Variants in INPP5A observed in about 807,000 individuals in gnomAD.
The protein encoded by INPP5A is inositol polyphosphate-5-phosphatase A.
A neutral mutation model predicts 65.2 loss-of-function variants in INPP5A; 14 were observed. That is an observed-to-expected ratio of 0.21 (90% CI 0.14 to 0.34). The LOEUF (loss-of-function observed/expected upper bound fraction) is 0.34. INPP5A is among the 10% of genes least tolerant of loss of function. The pLI is 1.00. For synonymous variants in INPP5A, 207 were observed against 208.3 expected (o/e 0.99, Z 0.05); for missense variants, 431 against 545.6 (o/e 0.79, Z 2.09).
intron 4 of INPP5A, among the ~76,000 whole-genome samples, chr10:132,689,934 C>G (rs1272489125): frequency 6.6e-6 from 1 of 152,266 alleles, no homozygotes; most frequent in African/African-American, 2.4e-5. Flanking sequence ...CAGGACGAAG[C>G]CGAGCATCAG....
At chr10:132,608,053 G>A in intron 2 of INPP5A, 97 bp downstream of exon 2, 1 of 1,089,048 alleles carries the variant, frequency 9.2e-7, no homozygotes, top group Non-Finnish European at 1.4e-6. Context: ...GTGTGTCTAT[G>A]GGGAGCGCAG....
At chr10:132,624,814 A>G (rs1260078426) in intron 2 of INPP5A, among the ~76,000 whole-genome samples, 1 of 117,674 alleles carries the variant, frequency 8.5e-6, no homozygotes, top group African/African-American at 3.3e-5. Context: ...TCCACACCCC[A>G]CCCCCGCCCT....
intron 9 of INPP5A, 49 bp from the exon 10 acceptor site, chr10:132,749,467 TG>T: frequency 6.6e-7 from 1 of 1,525,034 alleles, no homozygotes. Flanking sequence ...GACGCTGCCA[TG>T]GGCAGGTGGG....
At chr10:132,765,117 G>A (rs1401724907) in intron 11 of INPP5A, among the ~76,000 whole-genome samples, 6 of 145,696 alleles carry the variant, frequency 4.1e-5, no homozygotes, top group African/African-American at 1.3e-4. Flanking sequence ...TGACACTCAG[G>A]AACATGGTCG....
intron 4 of INPP5A, among the ~76,000 whole-genome samples, chr10:132,680,633 C>T (rs2073029831): frequency 6.6e-6 from 1 of 152,254 alleles, no homozygotes; most frequent in Non-Finnish European, 1.5e-5. Context: ...CCAGAGCCGA[C>T]TCCCTCAGTT....
intron 13 of INPP5A, among the ~76,000 whole-genome samples, chr10:132,778,306 T>A (rs1378542227): frequency 1.2e-5 from 1 of 86,162 alleles, no homozygotes; most frequent in East Asian, 2.9e-4. Flanking sequence ...ATAATAATTT[T>A]TTTTTTTTTT....
chr10:132,606,996 G>A (rs1352462136), intron 1 of INPP5A, among the ~76,000 whole-genome samples: 1 of 152,206 alleles, frequency 6.6e-6, no homozygotes, highest in East Asian at 1.9e-4. Context: ...GTCCCCTCAC[G>A]GTGGGCGATG....
At chr10:132,588,012 C>CAAAAAAAAAAAAAAAA (rs796469034) in intron 1 of INPP5A, among the ~76,000 whole-genome samples, 3 of 55,914 alleles carry the variant, frequency 5.4e-5, no homozygotes, top group Admixed American at 2.0e-4. Flanking sequence ...AACTCCATCT[C>CAAAAAAAAAAAAAAAA]AAAAAAAAAA....
At chr10:132,774,830 G>C (rs1478406486) in intron 12 of INPP5A, among the ~76,000 whole-genome samples, 1 of 128,584 alleles carries the variant, frequency 7.8e-6, no homozygotes. Context: ...AGAGGGGCAC[G>C]GAGGAGAGAG....
chr10:132,575,191 TGCACCG>T lies in INPP5A; in HGVS notation c.76-32721_76-32716del, dbSNP rs1265862688. On this transcript the variant is annotated intron_variant, in intron 1 of 15. Transcript: ENST00000368594. The surrounding 1 kb of genome is among the most constrained non-coding windows in gnomAD (Gnocchi z 5.4). ...CATTCTTCCTCCGCAGGCTGGCGTT[TGCACCG>T]GCCTGGACACATCGCAACCCTGACC... is the stretch of plus-strand genomic sequence containing the variant. Among the ~76,000 whole-genome samples, 1 of 152,212 alleles carries T rather than the reference TGCACCG, an allele frequency of 6.6e-6. No homozygotes were observed. Among genetic ancestry groups the T allele is most frequent in the African/African-American group, 2.4e-5 (1 of 41,442 alleles).
rs1238078906 is a variant in INPP5A at position 132,711,687 on chromosome 10, G to A, written c.647+1231G>A. ...CTTCCAGCAGCTGGCATCCTCAGAC[G>A]CCGACCTTCTGTTCCCGGGGCCGGT... On this transcript the variant is annotated intron_variant, in intron 8 of 15. Transcript: ENST00000368594. 2.6e-5 allele frequency among the ~76,000 whole-genome samples: 4 copies of A among 152,210 alleles called. No individual in the cohort carries two copies. In the South Asian group the frequency reaches 6.2e-4, roughly 24 times the overall value.
At chr10:132,583,208 G>A (rs905720057) in intron 1 of INPP5A, among the ~76,000 whole-genome samples, 2 of 152,144 alleles carry the variant, frequency 1.3e-5, no homozygotes, top group African/African-American at 4.8e-5. Context: ...ATTTTTAAAC[G>A]TGTGATTTTC....
intron 11 of INPP5A, among the ~76,000 whole-genome samples, chr10:132,758,069 G>A (rs1016422188): frequency 2.1e-5 from 3 of 142,374 alleles, no homozygotes; most frequent in Admixed American, 6.9e-5. Flanking sequence ...GTGTGATGTC[G>A]TGGGTCCTTG....
intron 4 of INPP5A, among the ~76,000 whole-genome samples, chr10:132,670,243 C>T (rs1386026252): frequency 1.1e-5 from 1 of 94,980 alleles, no homozygotes; most frequent in African/African-American, 4.2e-5. Context: ...CCCCTGACCC[C>T]ACACCCCCTG....
chr10:132,636,268 T>C (rs1171347122), intron 2 of INPP5A, among the ~76,000 whole-genome samples: 1 of 152,042 alleles, frequency 6.6e-6, no homozygotes, highest in Admixed American at 6.5e-5. Flanking sequence ...GCAACGTGGA[T>C]AGAACTTGCT....
intron 7 of INPP5A, among the ~76,000 whole-genome samples, chr10:132,709,657 C>G (rs1485065466): frequency 6.6e-6 from 1 of 152,198 alleles, no homozygotes; most frequent in Non-Finnish European, 1.5e-5. Flanking sequence ...CTGGCGCCTC[C>G]TGGTAGGGAG....
At chr10:132,739,928 C>A (rs567972001) in intron 9 of INPP5A, among the ~76,000 whole-genome samples, 5 of 152,272 alleles carry the variant, frequency 3.3e-5, no homozygotes, top group African/African-American at 1.2e-4. Context: ...CCGCCTGTGT[C>A]CACCCCAACG....
intron 6 of INPP5A, among the ~76,000 whole-genome samples, chr10:132,702,851 G>T (rs1414613200): frequency 3.3e-5 from 5 of 152,216 alleles, no homozygotes; most frequent in African/African-American, 9.6e-5. Context: ...CTGCACCCAG[G>T]AAGTGGGCTG....
At chr10:132,780,093 T>C (rs1847134818) in intron 13 of INPP5A, among the ~76,000 whole-genome samples, 2 of 152,264 alleles carry the variant, frequency 1.3e-5, no homozygotes, top group Non-Finnish European at 1.5e-5. Flanking sequence ...TTCTCATTCT[T>C]TCTGGCAGGC....
Sources: gnomAD v4.1 joint callset for allele counts (sites outside exome capture counted in the v4.1 genomes callset) on GRCh38, gnomAD v4.1.1 for gene constraint, Gnocchi (gnomAD v3.1) non-coding constraint, MANE v1.5 for transcripts, NCBI Gene and HGNC (gene_info 2026-07-23, HGNC 2026-07-21) for gene names.